FGF12: variants seen among roughly 807,000 people sequenced by gnomAD.
The protein encoded by FGF12 is fibroblast growth factor 12B.
FGF12 carries 14 observed loss-of-function variants against 23.6 expected under a neutral mutation model. The ratio of observed to expected loss-of-function variants is 0.59; its 90% CI spans 0.39 to 0.93. The LOEUF is 0.93. Ranked by LOEUF, FGF12 falls within the 40% of genes least tolerant of loss-of-function variation. The pLI, the probability that FGF12 is intolerant of heterozygous loss-of-function variation, is 0.00. For synonymous variants in FGF12, 62 were observed against 77.3 expected (o/e 0.80, Z 1.04); for missense variants, 175 against 217.8 (o/e 0.80, Z 1.24).
intron 4 of FGF12, among the ~76,000 whole-genome samples, chr3:192,274,410 C>T (rs1345591560): frequency 6.6e-6 from 1 of 152,158 alleles, no homozygotes; most frequent in Non-Finnish European, 1.5e-5. Context: ...TATTTGCCTA[C>T]TGTTTATATA....
chr3:192,194,489 T>C (rs941362058), intron 4 of FGF12, among the ~76,000 whole-genome samples: 2 of 152,190 alleles, frequency 1.3e-5, no homozygotes, highest in African/African-American at 4.8e-5. Context: ...TTCATATTAC[T>C]CTGGATGAAA....
chr3:192,147,932 C>T (rs1397098902), intron 5 of FGF12, among the ~76,000 whole-genome samples: 3 of 152,088 alleles, frequency 2.0e-5, no homozygotes, highest in Non-Finnish European at 4.4e-5. Flanking sequence ...AAACATATGG[C>T]TGTTATAAAC....
At chr3:192,527,258 T>G (rs974761222) in intron 2 of FGF12, among the ~76,000 whole-genome samples, 1 of 152,214 alleles carries the variant, frequency 6.6e-6, no homozygotes, top group Admixed American at 6.5e-5. Flanking sequence ...CCTCCAGGAC[T>G]GCAAAAATTA....
At chr3:192,416,077 C>T (rs374711777) in intron 2 of FGF12, among the ~76,000 whole-genome samples, 36 of 152,052 alleles carry the variant, frequency 2.4e-4, no homozygotes, top group African/African-American at 6.3e-4. Flanking sequence ...ATTAAAACCA[C>T]AATAAATTCA....
intron 3 of FGF12, among the ~76,000 whole-genome samples, chr3:192,348,810 G>A (rs1369108730): frequency 6.6e-6 from 1 of 152,044 alleles, no homozygotes; most frequent in African/African-American, 2.4e-5. Context: ...ACCTTCCTGT[G>A]CCTCAATTTA....
chr3:192,463,691 TTCCAGAAGCTCTAGGCA>T (rs758961270), intron 2 of FGF12, among the ~76,000 whole-genome samples: 15 of 152,160 alleles, frequency 9.9e-5, no homozygotes, highest in Middle Eastern at 6.3e-3. Context: ...GGAACTCTGC[TTCCAGAAGCTCTAGGCA>T]TGACAGGGAA....
chr3:192,723,692 A>T (rs1719109398), intron 2 of FGF12, among the ~76,000 whole-genome samples: 1 of 151,968 alleles, frequency 6.6e-6, no homozygotes. Context: ...CCACCCCAGA[A>T]CTAATTAAAC....
intron 2 of FGF12, among the ~76,000 whole-genome samples, chr3:192,619,276 G>A (rs576658107): frequency 6.6e-6 from 1 of 152,072 alleles, no homozygotes; most frequent in East Asian, 1.9e-4. Context: ...AACAGGTGAT[G>A]TTTGAGCTGG....
chr3:192,173,605 C>CTAATT (rs1379014196), intron 4 of FGF12, among the ~76,000 whole-genome samples: 2 of 151,902 alleles, frequency 1.3e-5, no homozygotes, highest in African/African-American at 4.8e-5. Context: ...TAAAAACAAA[C>CTAATT]TAATTAAAAT....
chr3:192,426,948 T>C (rs1721704453), intron 2 of FGF12, among the ~76,000 whole-genome samples: 1 of 152,224 alleles, frequency 6.6e-6, no homozygotes, highest in Non-Finnish European at 1.5e-5. Flanking sequence ...TAAAAATACT[T>C]ACTGATACGA....
intron 2 of FGF12, among the ~76,000 whole-genome samples, chr3:192,723,483 C>A (rs1719103022): frequency 6.6e-6 from 1 of 152,062 alleles, no homozygotes; most frequent in Admixed American, 6.5e-5. Context: ...TAGAAATGAC[C>A]ATTAGATTTT....
At chr3:192,630,925 C>T (rs1715369158) in intron 2 of FGF12, among the ~76,000 whole-genome samples, 1 of 151,940 alleles carries the variant, frequency 6.6e-6, no homozygotes, top group African/African-American at 2.4e-5. Flanking sequence ...CACTCTTCTT[C>T]CCCCCAACAG....
intron 5 of FGF12, among the ~76,000 whole-genome samples, chr3:192,152,424 C>A (rs1444863807): frequency 3.8e-5 from 5 of 132,404 alleles, no homozygotes; most frequent in African/African-American, 1.1e-4. Context: ...AATTTTGGAT[C>A]TTTCCTGCTT....
chr3:192,479,194 A>G (rs1723410615), intron 2 of FGF12, among the ~76,000 whole-genome samples: 1 of 152,196 alleles, frequency 6.6e-6, no homozygotes, highest in Non-Finnish European at 1.5e-5. Context: ...AGTGTCTAAA[A>G]GGAATTATTC....
chr3:192,719,386 AT>A (rs1452057873), intron 2 of FGF12, among the ~76,000 whole-genome samples: 3 of 152,158 alleles, frequency 2.0e-5, no homozygotes, highest in African/African-American at 7.2e-5. Context: ...CGTTATTGTT[AT>A]TGAGGGTCTT....
Position 192,611,621 on chromosome 3 carries a change from TGG to T in FGF12, c.13+115558_13+115559del, listed in dbSNP as rs1329362504. On this transcript the variant is annotated intron_variant, in intron 2 of 5. Coordinates refer to ENST00000445105, the MANE Select transcript of FGF12 (RefSeq NM_004113.6). Reference sequence around the variant, plus strand: ...AGAAACTCAAAACCAAACCACTGCCTGGGACCTGGTTTCAGAAAGAAGAACAG... The same window carrying T: ...AGAAACTCAAAACCAAACCACTGCCTGACCTGGTTTCAGAAAGAAGAACAG... 3.2e-4 allele frequency among the ~76,000 whole-genome samples: 49 copies of T among 152,114 alleles called. 1 individual carries two copies. In the East Asian group the frequency reaches 8.3e-3, roughly 26 times the overall value.
rs1725564314 is a variant in FGF12 at position 192,548,991 on chromosome 3, A to G, written c.13+178190T>C. On this transcript the variant is annotated intron_variant, in intron 2 of 5. Coordinates refer to ENST00000445105, the MANE Select transcript of FGF12 (RefSeq NM_004113.6). ...AAAGTCTTTCATAGATCTCTACATC[A>G]CTTCTCTATTATAAACCACTGCCAC... Among the ~76,000 whole-genome samples the G allele has an allele frequency of 2.0e-5, 3 of 152,174 alleles. No homozygotes were observed. The South Asian group carries it at 6.2e-4, about 32-fold the overall frequency.
At chr3:192,174,710 T>A (rs1460212361) in intron 4 of FGF12, among the ~76,000 whole-genome samples, 1 of 148,836 alleles carries the variant, frequency 6.7e-6, no homozygotes, top group Non-Finnish European at 1.5e-5. Flanking sequence ...CTTTTTTTTT[T>A]GTAATGAGAA....
intron 2 of FGF12, among the ~76,000 whole-genome samples, chr3:192,544,213 A>G (rs1001395160): frequency 3.3e-5 from 5 of 152,102 alleles, no homozygotes; most frequent in East Asian, 1.9e-4. Context: ...CCAAGCACAC[A>G]GATTTTTTTT....
Sources: allele counts gnomAD v4.1 joint callset (sites outside exome capture counted in the v4.1 genomes callset), GRCh38; gene constraint gnomAD v4.1.1; transcripts MANE v1.5; gene names NCBI Gene and HGNC (gene_info 2026-07-23, HGNC 2026-07-21).